Variants in CEP41 observed in about 807,000 individuals in gnomAD.
CEP41 encodes centrosomal protein of 41 kDa.
A neutral mutation model predicts 44.3 loss-of-function variants in CEP41; 32 were observed. The observed-to-expected ratio is 0.72, with a 90% CI of 0.54 to 0.97. The LOEUF (loss-of-function observed/expected upper bound fraction) is 0.97. Among genes scored for constraint, CEP41 ranks in the 50% least tolerant of loss-of-function variants. The pLI is 0.00. For synonymous variants in CEP41, 151 were observed against 168.5 expected, an observed-to-expected ratio of 0.90 and a Z score of 0.80; for missense variants, 432 against 455.2, an observed-to-expected ratio of 0.95 and a Z score of 0.46.
intron 5 of CEP41, among the ~76,000 whole-genome samples, chr7:130,406,885 G>A (rs1262359618): frequency 6.6e-6 from 1 of 151,558 alleles, no homozygotes; most frequent in African/African-American, 2.4e-5. Context: ...AGGTTAATAG[G>A]TGCAGCACAC....
intron 2 of CEP41, among the ~76,000 whole-genome samples, chr7:130,417,878 A>T (rs1478580822): frequency 6.6e-6 from 1 of 152,248 alleles, no homozygotes; most frequent in Non-Finnish European, 1.5e-5. Context: ...CAGCCCCAAC[A>T]TCAGATAAAA....
At chr7:130,409,466 T>C (rs1554418925) in intron 5 of CEP41, among the ~76,000 whole-genome samples, 2 of 152,220 alleles carry the variant, frequency 1.3e-5, no homozygotes, top group African/African-American at 4.8e-5. Flanking sequence ...GGAGCTCTTA[T>C]TTCTCTGCTT....
chr7:130,419,976 T>C (rs1396309381), intron 2 of CEP41: 2 of 985,068 alleles, frequency 2.0e-6, no homozygotes, highest in South Asian at 4.7e-5. Flanking sequence ...CACACACGTA[T>C]GAATAATCTT....
At chr7:130,409,538 A>C (rs1554418941) in intron 5 of CEP41, among the ~76,000 whole-genome samples, 1 of 152,196 alleles carries the variant, frequency 6.6e-6, no homozygotes, top group Admixed American at 6.5e-5. Context: ...ATCCTCCCTA[A>C]CAAAAAACAG....
At chr7:130,429,742 C>T (rs1554424676) in intron 1 of CEP41, among the ~76,000 whole-genome samples, 1 of 152,202 alleles carries the variant, frequency 6.6e-6, no homozygotes, top group South Asian at 2.1e-4. Context: ...CTGTCCAGTA[C>T]AGAACTAGGC....
chr7:130,416,307 C>A lies in CEP41; in HGVS notation c.145+612G>T, dbSNP rs1016320392. 3.2e-4 allele frequency among the ~76,000 whole-genome samples: 48 copies of A among 152,240 alleles called. 1 individual carries two copies. Among genetic ancestry groups the A allele is most frequent in the Non-Finnish European group, 2.9e-5 (2 of 68,042 alleles). On this transcript the variant is annotated intron_variant, in intron 3 of 10. Coordinates refer to ENST00000223208, the MANE Select transcript of CEP41 (RefSeq NM_018718.3). The stretch of plus-strand genomic sequence containing the variant: ...TTCTGGCCTTGAAGTATACACTTTA[C>A]ATCAGTTTTGGATGCAGACTGAAAA...
intron 4 of CEP41, 81 bp from the exon 5 acceptor site, chr7:130,411,272 G>A (rs1797175638): frequency 1.2e-5 from 13 of 1,121,286 alleles, no homozygotes; most frequent in Non-Finnish European, 1.8e-5. Context: ...AAAGACGAGG[G>A]AACAACAAAC....
At chr7:130,418,409 T>C (rs1311990217) in intron 2 of CEP41, among the ~76,000 whole-genome samples, 1 of 152,242 alleles carries the variant, frequency 6.6e-6, no homozygotes, top group Non-Finnish European at 1.5e-5. Flanking sequence ...ACTGCAACTC[T>C]GAACTCAGGC....
In CEP41 at chr7:130,396,161, A is replaced by T. The variant is rs1305841755; in HGVS notation, c.*2730T>A. On this transcript the variant is annotated 3_prime_UTR_variant, in exon 11 of 11. Transcript: ENST00000223208. ...TTAAAGCATTTAAGGTATTATTTAA[A>T]CTTTGGCCATCACTGCTGTTCAGGG... The T allele has an allele frequency of 2.2e-6, 1 of 453,648 alleles. No homozygotes were observed. The highest frequency in any genetic ancestry group is 2.0e-5 in the African/African-American group (1 of 49,834). 28.1% of individuals were successfully genotyped at this position (453,648 alleles called of 1,614,324 possible).
intron 1 of CEP41, among the ~76,000 whole-genome samples, chr7:130,433,831 AC>A (rs1797889883): frequency 6.6e-6 from 1 of 151,418 alleles, no homozygotes; most frequent in African/African-American, 2.4e-5. Context: ...CTCTGTACCT[AC>A]TACAAGACCC....
In CEP41 at chr7:130,423,084, C is replaced by A. The variant is rs533961017; in HGVS notation, c.97+4871G>T. On this transcript the variant is annotated intron_variant, in intron 2 of 10. Coordinates refer to ENST00000223208, the MANE Select transcript of CEP41 (RefSeq NM_018718.3). ...GCCTCGGATTCCCAAGTAGCTGGGA[C>A]TACAGGTGCACGCTGCCATGCCTGG... Among the ~76,000 whole-genome samples the A allele has an allele frequency of 2.0e-5, 3 of 152,234 alleles. No homozygotes were observed. The South Asian group carries it at 6.2e-4, about 32-fold the overall frequency.
chr7:130,439,768 A>G (rs1383770785), intron 1 of CEP41, among the ~76,000 whole-genome samples: 1 of 151,994 alleles, frequency 6.6e-6, no homozygotes, highest in Non-Finnish European at 1.5e-5. Context: ...GAACCTCAGC[A>G]AGGCAGAGAA....
Position 130,398,054 on chromosome 7 carries a change from A to G in CEP41, c.*837T>C. The G allele has an allele frequency of 2.2e-6, 1 of 454,154 alleles. No homozygotes were observed. The allele number at this position is 454,154 out of a possible 1,614,324, so 28.1% of individuals were successfully genotyped here. Reference sequence around the variant, plus strand: ...TGGCCATAATTTCTGTCCATCTAACATGGATGGACTGAAGCTGGGCAATGG... The same window carrying G: ...TGGCCATAATTTCTGTCCATCTAACGTGGATGGACTGAAGCTGGGCAATGG... On this transcript the variant is annotated 3_prime_UTR_variant, in exon 11 of 11. Coordinates refer to ENST00000223208, the MANE Select transcript of CEP41 (RefSeq NM_018718.3).
chr7:130,437,203 C>G (rs1268626949), intron 1 of CEP41, among the ~76,000 whole-genome samples: 1 of 151,642 alleles, frequency 6.6e-6, no homozygotes, highest in Non-Finnish European at 1.5e-5. Flanking sequence ...TATAGGTTAT[C>G]TATATGAATA....
intron 3 of CEP41, 134 bp from the exon 4 acceptor site, chr7:130,412,374 T>C (rs1426209861): frequency 9.7e-6 from 6 of 620,984 alleles, no homozygotes; most frequent in African/African-American, 1.8e-5. Flanking sequence ...CCTCATGATA[T>C]CATCAAAATT....
chr7:130,400,471 C>T (rs1208341534), intron 9 of CEP41: 6 of 637,842 alleles, frequency 9.4e-6, no homozygotes, highest in African/African-American at 1.8e-5. Context: ...AATCCTTTTG[C>T]TCGAGTCTTC....
intron 8 of CEP41, chr7:130,401,301 C>T (rs1796835899): frequency 5.7e-6 from 1 of 175,466 alleles, no homozygotes; most frequent in Non-Finnish European, 1.2e-5. Flanking sequence ...AGAAGGCTTG[C>T]ATCAGCATGG....
chr7:130,412,109 G>A (rs1797199428), intron 4 of CEP41, 70 bp downstream of exon 4: 1 of 869,322 alleles, frequency 1.2e-6, no homozygotes, highest in Non-Finnish European at 2.0e-6. Flanking sequence ...CCCTAGAGTT[G>A]AATTTAGAAA....
chr7:130,404,451 T>A, intron 6 of CEP41, 113 bp downstream of exon 6: 1 of 831,908 alleles, frequency 1.2e-6, no homozygotes, highest in South Asian at 1.4e-5. Context: ...AATGTGAGAC[T>A]TTACTCCTGC....
Sources: gnomAD v4.1 joint callset for allele counts (sites outside exome capture counted in the v4.1 genomes callset) on GRCh38, gnomAD v4.1.1 for gene constraint, MANE v1.5 for transcripts, NCBI Gene and HGNC (gene_info 2026-07-23, HGNC 2026-07-21) for gene names.